Variants in GABBR2 observed in about 807,000 individuals in gnomAD.
The protein encoded by GABBR2 is gamma-aminobutyric acid type B receptor subunit 2.
GABBR2 carries 23 observed loss-of-function variants against 105.6 expected under a neutral mutation model. The ratio of observed to expected loss-of-function variants is 0.22; its 90% confidence interval spans 0.16 to 0.31. The LOEUF (loss-of-function observed/expected upper bound fraction) is 0.31, where lower values mean the gene tolerates loss of function less well. GABBR2 is among the 10% of genes least tolerant of loss of function. The pLI, the probability that GABBR2 is intolerant of heterozygous loss-of-function variation, is 1.00. For missense variants in GABBR2, 734 were observed against 1,245.5 expected (o/e 0.59, Z 6.18); for synonymous variants, 478 against 499.7 (o/e 0.96, Z 0.58).
At chr9:98,699,738 C>G (rs2131885731) in intron 1 of GABBR2, among the ~76,000 whole-genome samples, 1 of 152,256 alleles carries the variant, frequency 6.6e-6, no homozygotes, top group African/African-American at 2.4e-5. Context: ...CAGCACCAAA[C>G]CCAGATGCTG....
In GABBR2 at chr9:98,684,174, A is replaced by T. The variant is rs1323516603; in HGVS notation, c.321+24243T>A. On this transcript the variant is annotated intron_variant, in intron 1 of 18. Transcript: ENST00000259455. ...AAGAATGCATTTTACCACGGTAAAA[A>T]AAAAAAAAAAAAAAAAAAAAATTGG... Among the ~76,000 whole-genome samples, 30 of 144,720 alleles carry T rather than the reference A, an allele frequency of 2.1e-4. 1 individual carries two copies. Among genetic ancestry groups the T allele is most frequent in the South Asian group, 1.1e-3 (5 of 4,526 alleles). 94.9% of individuals were successfully genotyped at this position (144,720 alleles called of 152,430 possible). A position where few individuals can be genotyped will look rare whatever the true frequency, so the allele number is the denominator to read the frequency against.
intron 1 of GABBR2, among the ~76,000 whole-genome samples, chr9:98,685,032 T>G (rs1338514733): frequency 1.3e-5 from 2 of 152,216 alleles, no homozygotes; most frequent in African/African-American, 4.8e-5. Flanking sequence ...GATTAACATT[T>G]GAGTCAGTGA....
At chr9:98,481,289 T>C (rs1468347923) in intron 4 of GABBR2, among the ~76,000 whole-genome samples, 1 of 152,212 alleles carries the variant, frequency 6.6e-6, no homozygotes, top group Admixed American at 6.5e-5. Context: ...CTCAGGGGCC[T>C]TGCAACCTCC....
chr9:98,683,246 G>T (rs920909793), intron 1 of GABBR2, among the ~76,000 whole-genome samples: 1 of 152,158 alleles, frequency 6.6e-6, no homozygotes, highest in Non-Finnish European at 1.5e-5. Context: ...GGCATGGGCC[G>T]CCATGTCCAG....
intron 17 of GABBR2, 101 bp from the exon 18 acceptor site, chr9:98,294,003 C>T: frequency 1.3e-6 from 1 of 760,412 alleles, no homozygotes; most frequent in Non-Finnish European, 2.3e-6. Flanking sequence ...AGACAGAATG[C>T]AAAAGAGCCC....
Position 98,473,242 on chromosome 9 carries a change from G to A in GABBR2, c.903C>T (p.Arg301=). ...EQVHTEANSS[R]CLRKNLLAAM... is the part of the protein sequence containing the mutation. The stretch of plus-strand genomic sequence containing the variant: ...CAGCAAGCAGATTCTTCCGGAGGCA[G>A]CGGGATGAGTTGGCTTCCGTGTGCA... The change falls in exon 6 of 19, where the codon CGC becomes CGT. Residue 301 remains arginine, a synonymous_variant. Coordinates refer to ENST00000259455, the MANE Select transcript of GABBR2 (RefSeq NM_005458.8). 6.2e-7 allele frequency: 1 copy of A among 1,613,772 alleles called. No homozygotes were observed. Among genetic ancestry groups the A allele is most frequent in the Non-Finnish European group, 8.5e-7 (1 of 1,179,808 alleles).
intron 3 of GABBR2, among the ~76,000 whole-genome samples, chr9:98,517,863 CA>C (rs1827787935): frequency 6.6e-6 from 1 of 151,158 alleles, no homozygotes; most frequent in South Asian, 2.1e-4. Flanking sequence ...GGGAGCCCAG[CA>C]GGAGTCAGAA....
At chr9:98,458,890 T>C (rs1163355086) in intron 6 of GABBR2, among the ~76,000 whole-genome samples, 11 of 152,354 alleles carry the variant, frequency 7.2e-5, no homozygotes, top group Non-Finnish European at 1.5e-4. Context: ...TATTGGATCT[T>C]TTCAGTAGCA....
chr9:98,340,197 T>TG (rs1390226346), intron 13 of GABBR2, among the ~76,000 whole-genome samples: 2 of 151,336 alleles, frequency 1.3e-5, no homozygotes, highest in African/African-American at 4.9e-5. Flanking sequence ...TTTTTTTTTT[T>TG]TTGTTACTAC....
chr9:98,611,534 AC>A (rs1829506886), intron 1 of GABBR2, among the ~76,000 whole-genome samples: 1 of 152,226 alleles, frequency 6.6e-6, no homozygotes, highest in African/African-American at 2.4e-5. Flanking sequence ...AGCTAACTGG[AC>A]AAGGTATGTA....
chr9:98,474,798 A>T (rs753191772), intron 5 of GABBR2, among the ~76,000 whole-genome samples: 8 of 152,176 alleles, frequency 5.3e-5, no homozygotes, highest in Non-Finnish European at 1.2e-4. Flanking sequence ...AGAGCTCCCA[A>T]CAACTCCTAT....
rs1564026872 is a variant in GABBR2, at chr9:98,349,344, G to GTTTTTTTTTTTTTTTTTT, written c.1893+13370_1893+13371insAAAAAAAAAAAAAAAAAA. 3.8e-5 allele frequency among the ~76,000 whole-genome samples: 4 copies of GTTTTTTTTTTTTTTTTTT among 105,504 alleles called. 1 individual carries two copies. Among genetic ancestry groups the GTTTTTTTTTTTTTTTTTT allele is most frequent in the Non-Finnish European group, 7.2e-5 (4 of 55,464 alleles). The allele number at this position is 105,504 out of a possible 152,430, so 69.2% of individuals were successfully genotyped here. ...TTTGGTTTGCCAATATTTTGTTGAA[G>GTTTTTTTTTTTTTTTTTT]TTTTGTTTTTTTTTTTTTTTTTTTT... On this transcript the variant is annotated intron_variant, in intron 13 of 18. Coordinates refer to ENST00000259455, the MANE Select transcript of GABBR2 (RefSeq NM_005458.8).
intron 7 of GABBR2, among the ~76,000 whole-genome samples, chr9:98,442,014 G>A (rs7045142): frequency 0.013 from 1,961 of 152,240 alleles, 49 homozygotes; most frequent in African/African-American, 0.044. Context: ...TCTTTGGTGC[G>A]TGCCTGTACT....
chr9:98,354,833 T>A (rs1588118175), intron 13 of GABBR2, among the ~76,000 whole-genome samples: 1 of 152,362 alleles, frequency 6.6e-6, no homozygotes, highest in East Asian at 1.9e-4. Context: ...GAAACAGCAC[T>A]TTTAATTCCC....
intron 13 of GABBR2, among the ~76,000 whole-genome samples, chr9:98,348,123 T>C (rs957446193): frequency 6.6e-6 from 1 of 152,212 alleles, no homozygotes; most frequent in African/African-American, 2.4e-5. Flanking sequence ...AGCAGACTAA[T>C]ACAGGGGTCT....
At chr9:98,578,693 C>G (rs1276120847) in intron 1 of GABBR2, among the ~76,000 whole-genome samples, 3 of 152,084 alleles carry the variant, frequency 2.0e-5, no homozygotes, top group Non-Finnish European at 4.4e-5. Context: ...TGATAGCCAA[C>G]AGATGGAAAC....
Position 98,593,126 on chromosome 9 carries a change from G to A in GABBR2, c.322-15054C>T, listed in dbSNP as rs563670161. Reference sequence around the variant, plus strand: ...CTCCTAAAGCTCTGGGATTACAGGCGTGAGCCACCATGCCTGGCCATTCTA... The same window carrying A: ...CTCCTAAAGCTCTGGGATTACAGGCATGAGCCACCATGCCTGGCCATTCTA... On this transcript the variant is annotated intron_variant, in intron 1 of 18. Transcript: ENST00000259455. Among the ~76,000 whole-genome samples the A allele has an allele frequency of 3.9e-5, 6 of 152,220 alleles. No homozygotes were observed. The East Asian group carries it at 7.7e-4, about 20-fold the overall frequency.
Position 98,605,400 on chromosome 9 carries a change from C to T in GABBR2, c.322-27328G>A, listed in dbSNP as rs149124182. ...CAGATCTGCAGTGGGCCACTCGCCA[C>T]CCTGAGGCTAAGCTTGCATCTGTAT... is the stretch of plus-strand genomic sequence containing the variant. On this transcript the variant is annotated intron_variant, in intron 1 of 18. Transcript: ENST00000259455. 8.5e-5 allele frequency among the ~76,000 whole-genome samples: 13 copies of T among 152,342 alleles called. No individual in the cohort carries two copies. The East Asian group carries it at 2.3e-3, about 27-fold the overall frequency.
In GABBR2 at chr9:98,374,865, G is replaced by A. The variant is rs1363108007; in HGVS notation, c.1663-3294C>T. ...ATAGCTGCGAGTATGACTGTGTGCTGAGCCCTGAGAGTCCTAGTGAATCAT... is the reference window on the plus strand; with the variant it reads ...ATAGCTGCGAGTATGACTGTGTGCTAAGCCCTGAGAGTCCTAGTGAATCAT... On this transcript the variant is annotated intron_variant, in intron 11 of 18. Coordinates refer to ENST00000259455, the MANE Select transcript of GABBR2 (RefSeq NM_005458.8). Among the ~76,000 whole-genome samples, 8 of 152,244 alleles carry A rather than the reference G, an allele frequency of 5.3e-5. No homozygotes were observed. In the South Asian group the frequency reaches 1.2e-3, roughly 24 times the overall value.
Sources: gnomAD v4.1 joint callset for allele counts (sites outside exome capture counted in the v4.1 genomes callset) on GRCh38, gnomAD v4.1.1 for gene constraint, MANE v1.5 for transcripts, NCBI Gene and HGNC (gene_info 2026-07-23, HGNC 2026-07-21) for gene names.